Variants in NEDD4L observed in about 807,000 individuals in gnomAD.
The protein encoded by NEDD4L is E3 ubiquitin-protein ligase NEDD4-like.
In NEDD4L, 54 loss-of-function variants were observed where a neutral mutation model predicts 148.9. That is an observed-to-expected ratio of 0.36 (90% CI 0.29 to 0.45). The LOEUF (loss-of-function observed/expected upper bound fraction) is 0.45. Ranked by LOEUF, NEDD4L falls within the 20% of genes least tolerant of loss-of-function variation. NEDD4L has a pLI of 1.00. For missense variants in NEDD4L, 856 were observed against 1,233.8 expected, an observed-to-expected ratio of 0.69 and a Z score of 4.59; for synonymous variants, 433 against 440.7, an observed-to-expected ratio of 0.98 and a Z score of 0.22.
At chr18:58,150,418 G>C (rs906764660) in intron 1 of NEDD4L, among the ~76,000 whole-genome samples, 1 of 152,164 alleles carries the variant, frequency 6.6e-6, no homozygotes, top group Non-Finnish European at 1.5e-5. Flanking sequence ...TAGTTACAGG[G>C]TTTCTCCATG....
intron 2 of NEDD4L, among the ~76,000 whole-genome samples, chr18:58,226,846 G>A (rs561609415): frequency 6.6e-6 from 1 of 152,116 alleles, no homozygotes; most frequent in South Asian, 2.1e-4. Flanking sequence ...TCAGACTCCA[G>A]AGCGCATGCC....
intron 10 of NEDD4L, 142 bp from the exon 11 acceptor site, chr18:58,330,596 G>A (rs541352401): frequency 9.7e-6 from 5 of 517,436 alleles, no homozygotes; most frequent in Non-Finnish European, 1.6e-5. Context: ...TTATTGTGAA[G>A]GTTGTGTGCC....
Position 58,383,629 on chromosome 18 carries a change from A to ATTT in NEDD4L, c.2426+310_2426+311insTTT, listed in dbSNP as rs2048627988. Among the ~76,000 whole-genome samples, 6 of 152,338 alleles carry ATTT rather than the reference A, an allele frequency of 3.9e-5. No homozygotes were observed. The South Asian group carries it at 8.3e-4, about 21-fold the overall frequency. ...ATATCAACTAAGATTTAGAATTGCA[A>ATTT]CGGAGAACCACGGTGTCAGTGACCA... On this transcript the variant is annotated intron_variant, in intron 25 of 30. Coordinates refer to ENST00000400345, the MANE Select transcript of NEDD4L (RefSeq NM_001144967.3).
intron 20 of NEDD4L, among the ~76,000 whole-genome samples, chr18:58,365,674 T>C (rs1443261854): frequency 2.0e-5 from 3 of 152,222 alleles, no homozygotes; most frequent in Non-Finnish European, 4.4e-5. Flanking sequence ...AAGCAACAGA[T>C]ACAGTCGACT....
chr18:58,151,293 C>T (rs182988525), intron 1 of NEDD4L, among the ~76,000 whole-genome samples: 26 of 152,300 alleles, frequency 1.7e-4, no homozygotes, highest in Admixed American at 7.8e-4. Flanking sequence ...AGGGGCTGGT[C>T]GGCCTTGTCT....
intron 5 of NEDD4L, among the ~76,000 whole-genome samples, chr18:58,280,398 G>C (rs568123654): frequency 6.6e-6 from 1 of 152,282 alleles, no homozygotes; most frequent in South Asian, 2.1e-4. Flanking sequence ...GGTCAGGAGA[G>C]CTTTCTGGGC....
chr18:58,149,389 C>A (rs1169662225), intron 1 of NEDD4L: 10 of 1,459,546 alleles, frequency 6.9e-6, no homozygotes, highest in Non-Finnish European at 8.2e-6. Context: ...CAAGTTAAAA[C>A]TTCTCTCCTG....
At chr18:58,327,150 C>G (rs987879280) in intron 9 of NEDD4L, among the ~76,000 whole-genome samples, 5 of 152,164 alleles carry the variant, frequency 3.3e-5, no homozygotes, top group African/African-American at 7.2e-5. Context: ...CTCTGTCACC[C>G]ACAGTGGCAC....
chr18:58,117,846 G>C (rs2085956564), intron 1 of NEDD4L, among the ~76,000 whole-genome samples: 1 of 152,194 alleles, frequency 6.6e-6, no homozygotes, highest in Non-Finnish European at 1.5e-5. Flanking sequence ...CCATGACATG[G>C]AGTGTATAGA....
intron 16 of NEDD4L, among the ~76,000 whole-genome samples, chr18:58,349,161 G>A (rs2043539975): frequency 6.6e-6 from 1 of 152,112 alleles, no homozygotes; most frequent in African/African-American, 2.4e-5. Context: ...GGGACCCATG[G>A]AGAGATTTCG....
chr18:58,273,768 G>C (rs1342562519), intron 5 of NEDD4L, among the ~76,000 whole-genome samples: 1 of 152,220 alleles, frequency 6.6e-6, no homozygotes, highest in Non-Finnish European at 1.5e-5. Flanking sequence ...AAGGTGTTTT[G>C]CTTCAGACCA....
chr18:58,324,895 C>A, intron 8 of NEDD4L, 101 bp from the exon 9 acceptor site: 1 of 1,106,926 alleles, frequency 9.0e-7, no homozygotes, highest in Non-Finnish European at 1.3e-6. Flanking sequence ...AGCCAGAGAG[C>A]CCCAGAGCAA....
intron 2 of NEDD4L, among the ~76,000 whole-genome samples, chr18:58,230,416 T>TC (rs774976460): frequency 5.3e-5 from 8 of 151,724 alleles, no homozygotes; most frequent in African/African-American, 1.9e-4. Flanking sequence ...TGAAGCTTCT[T>TC]CTTTTTTTTT....
At chr18:58,282,146 T>A in intron 5 of NEDD4L, among the ~76,000 whole-genome samples, 1 of 151,238 alleles carries the variant, frequency 6.6e-6, no homozygotes, top group Non-Finnish European at 1.5e-5. Context: ...GGCAAAGGTC[T>A]CTCTGAGTTT....
In NEDD4L at chr18:58,366,163, A is replaced by G; in HGVS notation, c.1998A>G (p.Glu666=). 2 of 1,613,582 alleles carry G rather than the reference A, an allele frequency of 1.2e-6. No homozygotes were observed. Among genetic ancestry groups the G allele is most frequent in the Non-Finnish European group, 1.7e-6 (2 of 1,179,764 alleles). Residue 666 remains glutamate (E), a synonymous_variant, in exon 21 of 31, where the codon GAA becomes GAG. Coordinates refer to ENST00000400345, the MANE Select transcript of NEDD4L (RefSeq NM_001144967.3). The surrounding 1 kb of genome is among the most constrained non-coding windows in gnomAD (Gnocchi z 4.2). Reference sequence around the variant, plus strand: ...TTGACTATGGGGGTGTGGCCAGAGAATGGTTCTTCTTACTGTCCAAAGAGA... The same window carrying G: ...TTGACTATGGGGGTGTGGCCAGAGAGTGGTTCTTCTTACTGTCCAAAGAGA... ...KGLDYGGVAR[E]WFFLLSKEMF... is the part of the protein sequence containing the mutation.
intron 3 of NEDD4L, among the ~76,000 whole-genome samples, chr18:58,248,679 G>A (rs1313892658): frequency 6.6e-6 from 1 of 152,090 alleles, no homozygotes; most frequent in Non-Finnish European, 1.5e-5. Context: ...TCTGGTGATA[G>A]AAGCAGTTTA....
At chr18:58,095,726 A>G (rs1292507362) in intron 1 of NEDD4L, among the ~76,000 whole-genome samples, 5 of 152,166 alleles carry the variant, frequency 3.3e-5, no homozygotes, top group Non-Finnish European at 7.3e-5. Flanking sequence ...TTTCATGAAC[A>G]TTTTCCAATA....
intron 1 of NEDD4L, among the ~76,000 whole-genome samples, chr18:58,131,717 G>GGAT (rs1284743498): frequency 6.6e-6 from 1 of 151,948 alleles, no homozygotes; most frequent in African/African-American, 2.4e-5. Flanking sequence ...GTTGGGCTCT[G>GGAT]TTGGGGTTTG....
chr18:58,245,952 A>C (rs570790625), intron 3 of NEDD4L, among the ~76,000 whole-genome samples: 44 of 144,304 alleles, frequency 3.0e-4, no homozygotes, highest in African/African-American at 1.1e-3. Flanking sequence ...CCTGTCGTGG[A>C]CTCCCAAAGT....
Sources: allele counts gnomAD v4.1 joint callset (sites outside exome capture counted in the v4.1 genomes callset), GRCh38; gene constraint gnomAD v4.1.1; non-coding constraint Gnocchi (gnomAD v3.1); transcripts MANE v1.5; gene names NCBI Gene and HGNC (gene_info 2026-07-23, HGNC 2026-07-21).